Variants in LHFPL3 observed in about 807,000 individuals in gnomAD.
LHFPL3 encodes the protein LHFPL tetraspan subfamily member 3 protein.
LHFPL3 carries 5 observed loss-of-function variants against 19.3 expected under a neutral mutation model. The ratio of observed to expected loss-of-function variants is 0.26; its 90% confidence interval spans 0.14 to 0.54. LHFPL3 has a LOEUF of 0.54. Ranked by LOEUF, LHFPL3 falls within the 20% of genes least tolerant of loss-of-function variation. The pLI, the probability that LHFPL3 is intolerant of heterozygous loss-of-function variation, is 0.94. For synonymous variants in LHFPL3, 133 were observed against 126.2 expected, an observed-to-expected ratio of 1.05 and a Z score of -0.36; for missense variants, 249 against 307.4, an observed-to-expected ratio of 0.81 and a Z score of 1.42.
At chr7:104,622,943 C>A (rs1791475511) in intron 1 of LHFPL3, 2 of 302,078 alleles carry the variant, frequency 6.6e-6, no homozygotes, top group African/African-American at 2.2e-5. Context: ...ATGAGGGTTC[C>A]AGGTTTTATT....
At chr7:104,836,998 GA>G (rs988380659) in intron 2 of LHFPL3, among the ~76,000 whole-genome samples, 55 of 152,170 alleles carry the variant, frequency 3.6e-4, no homozygotes, top group African/African-American at 1.3e-3. Context: ...ATTTCATGGT[GA>G]TGAAGATCTC....
At chr7:104,706,924 G>A (rs1473956300) in intron 1 of LHFPL3, among the ~76,000 whole-genome samples, 1 of 146,760 alleles carries the variant, frequency 6.8e-6, no homozygotes, top group African/African-American at 2.5e-5. Flanking sequence ...AGAGGGAGGA[G>A]GATAATGACT....
intron 1 of LHFPL3, among the ~76,000 whole-genome samples, chr7:104,362,905 A>C (rs1790417302): frequency 7.2e-5 from 11 of 152,222 alleles, no homozygotes; most frequent in Admixed American, 7.2e-4. Context: ...GAGCAAGTTT[A>C]CTTGCCTGGG....
chr7:104,616,059 T>A (rs577608967), intron 1 of LHFPL3, among the ~76,000 whole-genome samples: 2 of 152,314 alleles, frequency 1.3e-5, no homozygotes, highest in African/African-American at 4.8e-5. Context: ...ATGGCCATAC[T>A]GCCCAAAGTA....
chr7:104,747,571 G>A (rs1411114201), intron 2 of LHFPL3, among the ~76,000 whole-genome samples: 2 of 152,182 alleles, frequency 1.3e-5, no homozygotes, highest in Admixed American at 1.3e-4. Flanking sequence ...TAAAAGCCAA[G>A]TGTCAAGCAA....
chr7:104,622,973 A>G lies in LHFPL3; in HGVS notation c.446-113702A>G, dbSNP rs1335153776. 2.1e-5 allele frequency: 7 copies of G among 330,272 alleles called. No individual in the cohort carries two copies. In the East Asian group the frequency reaches 4.7e-4, roughly 22 times the overall value. 20.5% of individuals were successfully genotyped at this position (330,272 alleles called of 1,614,324 possible). A position where few individuals can be genotyped will look rare whatever the true frequency, so the allele number is the denominator to read the frequency against. On this transcript the variant is annotated intron_variant, in intron 1 of 2. Coordinates refer to ENST00000424859, the MANE Select transcript of LHFPL3 (RefSeq NM_199000.3). The stretch of plus-strand genomic sequence containing the variant: ...TTTATTTTTATCTGTCATTTTTATT[A>G]TAGCTATCCTGGAGGATGCTCTCAT...
chr7:104,373,132 T>C (rs1239416597), intron 1 of LHFPL3, among the ~76,000 whole-genome samples: 1 of 152,222 alleles, frequency 6.6e-6, no homozygotes, highest in African/African-American at 2.4e-5. Flanking sequence ...TGAACTTTGT[T>C]AATCCAACAT....
chr7:104,378,622 C>T (rs2116446652), intron 1 of LHFPL3, among the ~76,000 whole-genome samples: 1 of 152,308 alleles, frequency 6.6e-6, no homozygotes, highest in East Asian at 1.9e-4. Flanking sequence ...GATGGTTGTA[C>T]TGTATGAGAG....
intron 2 of LHFPL3, among the ~76,000 whole-genome samples, chr7:104,864,744 G>C (rs979412614): frequency 4.6e-5 from 7 of 152,202 alleles, no homozygotes; most frequent in Admixed American, 2.6e-4. Context: ...GAAGAGAGTA[G>C]TGGTTCTACC....
chr7:104,637,648 C>T (rs941404786), intron 1 of LHFPL3, among the ~76,000 whole-genome samples: 8 of 152,082 alleles, frequency 5.3e-5, no homozygotes, highest in Non-Finnish European at 1.2e-4. Context: ...GTCCTTTCCC[C>T]ATTTCTTGTT....
intron 2 of LHFPL3, among the ~76,000 whole-genome samples, chr7:104,853,520 G>A (rs1328791115): frequency 6.6e-6 from 1 of 152,160 alleles, no homozygotes; most frequent in Non-Finnish European, 1.5e-5. Context: ...TTCAGTGATT[G>A]TACAGATGAG....
chr7:104,825,607 TTAAA>T (rs926231664), intron 2 of LHFPL3, among the ~76,000 whole-genome samples: 2 of 151,976 alleles, frequency 1.3e-5, no homozygotes, highest in African/African-American at 4.9e-5. Flanking sequence ...TAATAGTGTC[TTAAA>T]TAAAGTAGAG....
chr7:104,609,448 T>C (rs1336369155), intron 1 of LHFPL3, among the ~76,000 whole-genome samples: 1 of 152,188 alleles, frequency 6.6e-6, no homozygotes, highest in Non-Finnish European at 1.5e-5. Context: ...TATTTTTTAC[T>C]TTGAAGTAAA....
intron 2 of LHFPL3, among the ~76,000 whole-genome samples, chr7:104,842,657 G>C (rs1483000115): frequency 6.6e-6 from 1 of 152,154 alleles, no homozygotes; most frequent in Non-Finnish European, 1.5e-5. Context: ...GGAACCAAAT[G>C]CAAGTTGATA....
chr7:104,589,544 G>A (rs1418489872), intron 1 of LHFPL3, among the ~76,000 whole-genome samples: 7 of 152,130 alleles, frequency 4.6e-5, no homozygotes, highest in Non-Finnish European at 7.4e-5. Context: ...TTGCATTGAT[G>A]TTCATCAGGG....
At chr7:104,638,350 TC>T (rs1791767256) in intron 1 of LHFPL3, among the ~76,000 whole-genome samples, 1 of 152,126 alleles carries the variant, frequency 6.6e-6, no homozygotes, top group African/African-American at 2.4e-5. Flanking sequence ...TAGTTTGATT[TC>T]CCCTCTTCCT....
Position 104,466,313 on chromosome 7 carries a change from G to A in LHFPL3, c.445+137089G>A, listed in dbSNP as rs73712145. Among the ~76,000 whole-genome samples, 1,202 of 152,286 alleles carry A rather than the reference G, an allele frequency of 7.9e-3. 12 individuals are homozygous for A. Among genetic ancestry groups the A allele is most frequent in the African/African-American group, 0.027 (1,136 of 41,560 alleles). On this transcript the variant is annotated intron_variant, in intron 1 of 2. Coordinates refer to ENST00000424859, the MANE Select transcript of LHFPL3 (RefSeq NM_199000.3). ...TGTTGTTTTAAGAGACCTCTTATAT[G>A]CTACGGATACATTTGAATTGAAGGG...
intron 1 of LHFPL3, among the ~76,000 whole-genome samples, chr7:104,433,596 GA>G (rs1792040889): frequency 6.6e-6 from 1 of 152,130 alleles, no homozygotes. Context: ...TCTCTGCACT[GA>G]AAGCCTTGCA....
intron 1 of LHFPL3, among the ~76,000 whole-genome samples, chr7:104,384,579 G>A (rs1314074676): frequency 3.3e-5 from 5 of 151,884 alleles, no homozygotes; most frequent in African/African-American, 1.2e-4. Context: ...CTGAGGTCGG[G>A]AGTTTGAGAC....
Sources: gnomAD v4.1 joint callset for allele counts (sites outside exome capture counted in the v4.1 genomes callset) on GRCh38, gnomAD v4.1.1 for gene constraint, MANE v1.5 for transcripts, NCBI Gene and HGNC (gene_info 2026-07-23, HGNC 2026-07-21) for gene names.